Variants in RBFOX3 observed in about 807,000 individuals in gnomAD.
The protein encoded by RBFOX3 is RNA binding protein fox-1 homolog 3.
Under a neutral mutation model 48.7 loss-of-function variants are expected in RBFOX3, and 17 were observed. The observed-to-expected ratio is 0.35, with a 90% confidence interval of 0.24 to 0.52. RBFOX3 has a LOEUF of 0.52. Ranked by LOEUF, RBFOX3 falls within the 20% of genes least tolerant of loss-of-function variation. The probability of loss-of-function intolerance (pLI) is 0.94; values close to 1 mark genes in which losing one functional copy is unlikely to be tolerated. For synonymous variants in RBFOX3, 212 were observed against 209.5 expected, an observed-to-expected ratio of 1.01 and a Z score of -0.10; for missense variants, 382 against 497.5, an observed-to-expected ratio of 0.77 and a Z score of 2.21.
chr17:79,439,957 G>A (rs987733016), intron 2 of RBFOX3, among the ~76,000 whole-genome samples: 13 of 152,214 alleles, frequency 8.5e-5, no homozygotes, highest in Admixed American at 2.6e-4. Flanking sequence ...TAGGAGAGGC[G>A]TCAGAGAAGG....
At chr17:79,409,243 C>T (rs2063946325) in intron 2 of RBFOX3, among the ~76,000 whole-genome samples, 1 of 152,252 alleles carries the variant, frequency 6.6e-6, no homozygotes, top group Non-Finnish European at 1.5e-5. Context: ...TGTGTCCATT[C>T]TCCAGCTGAC....
rs1600218877 is a variant in RBFOX3, at chr17:79,249,287, G to A, written c.-73-13482C>T. Among the ~76,000 whole-genome samples the A allele has an allele frequency of 6.6e-6, 1 of 152,156 alleles. No individual in the cohort carries two copies. Among genetic ancestry groups the A allele is most frequent in the South Asian group, 2.1e-4 (1 of 4,824 alleles). Reference sequence around the variant, plus strand: ...CGGATTCTGGCTAGTGAGATGCTGAGCTGTGAACAAAGTCAGAGTCCACTC... The same window carrying A: ...CGGATTCTGGCTAGTGAGATGCTGAACTGTGAACAAAGTCAGAGTCCACTC... On this transcript the variant is annotated intron_variant, in intron 3 of 14. Coordinates refer to ENST00000693108, the MANE Select transcript of RBFOX3 (RefSeq NM_001350451.2). This position sits in a 1 kb window ranked among gnomAD's most constrained non-coding sequence, Gnocchi z 4.1.
chr17:79,579,944 G>C (rs1016346147), intron 1 of RBFOX3, among the ~76,000 whole-genome samples: 2 of 146,928 alleles, frequency 1.4e-5, no homozygotes, highest in Non-Finnish European at 1.5e-5. Context: ...TGTGGTGGGG[G>C]AGTCACAGGG....
chr17:79,261,350 A>C (rs2065742646), intron 3 of RBFOX3, among the ~76,000 whole-genome samples: 1 of 152,236 alleles, frequency 6.6e-6, no homozygotes, highest in South Asian at 2.1e-4. Flanking sequence ...CCGAAGCCAC[A>C]TGCACAGGGT....
At chr17:79,644,560 G>A in the RBFOX3 span, among the ~76,000 whole-genome samples, 25 of 152,152 alleles carry the variant, frequency 1.6e-4, no homozygotes, top group Middle Eastern at 6.8e-3. Flanking sequence ...CATAATATAC[G>A]TAATCAATAC....
chr17:79,182,002 A>C (rs1000909768), intron 4 of RBFOX3, among the ~76,000 whole-genome samples: 3 of 113,226 alleles, frequency 2.6e-5, no homozygotes, highest in Non-Finnish European at 5.9e-5. Context: ...CACACACACA[A>C]ACACACAATC....
At chr17:79,365,506 G>C (rs2057608265) in intron 2 of RBFOX3, among the ~76,000 whole-genome samples, 1 of 152,204 alleles carries the variant, frequency 6.6e-6, no homozygotes, top group African/African-American at 2.4e-5. Flanking sequence ...ATGTGCTCTA[G>C]CGCGGCCCTG....
chr17:79,577,611 A>C (rs1283543849), intron 1 of RBFOX3, among the ~76,000 whole-genome samples: 1 of 152,242 alleles, frequency 6.6e-6, no homozygotes, highest in Non-Finnish European at 1.5e-5. Context: ...CTGCAAGTAC[A>C]GTCAAAGGTG....
intron 2 of RBFOX3, among the ~76,000 whole-genome samples, chr17:79,327,293 C>T (rs576599290): frequency 6.6e-6 from 1 of 152,330 alleles, no homozygotes; most frequent in East Asian, 1.9e-4. Flanking sequence ...TTCACACCTC[C>T]CTGGGAAGGG....
At chr17:79,409,994 C>A (rs186334760) in intron 2 of RBFOX3, among the ~76,000 whole-genome samples, 2 of 152,208 alleles carry the variant, frequency 1.3e-5, no homozygotes, top group African/African-American at 2.4e-5. Context: ...GCAGACAATG[C>A]GAATGGAAGG....
At chr17:79,337,034 C>A (rs142276051) in intron 2 of RBFOX3, among the ~76,000 whole-genome samples, 2 of 152,118 alleles carry the variant, frequency 1.3e-5, no homozygotes, top group African/African-American at 4.8e-5. Context: ...GCAGAAGAAT[C>A]GCTTGAACCT....
intron 2 of RBFOX3, among the ~76,000 whole-genome samples, chr17:79,372,836 G>A (rs2058739474): frequency 6.6e-6 from 1 of 152,224 alleles, no homozygotes; most frequent in African/African-American, 2.4e-5. Flanking sequence ...AGGTGTGCTG[G>A]GGGAAGCTGA....
chr17:79,101,731 T>G (rs1481907686), intron 8 of RBFOX3, 87 bp from the exon 9 acceptor site: 2 of 1,213,282 alleles, frequency 1.6e-6, no homozygotes, highest in African/African-American at 3.0e-5. Flanking sequence ...CCTGCTCCGT[T>G]AGCCCCCGGC....
At chr17:79,542,345 C>T (rs13313569) in intron 1 of RBFOX3, among the ~76,000 whole-genome samples, 1,764 of 152,240 alleles carry the variant, frequency 0.012, 30 homozygotes, top group African/African-American at 0.041. Flanking sequence ...GAGAAGGTAA[C>T]GAAACTATGC....
In RBFOX3 at chr17:79,364,661, G is replaced by C. The variant is rs1055305103; in HGVS notation, c.-174-56837C>G. 4.6e-5 allele frequency among the ~76,000 whole-genome samples: 7 copies of C among 152,206 alleles called. No individual in the cohort carries two copies. The highest frequency in any genetic ancestry group is 6.5e-5 in the Admixed American group (1 of 15,284). The stretch of plus-strand genomic sequence containing the variant: ...CGGGCGTGAGCAGGTCGGATAGCCT[G>C]CTGTTTGCTTTCTGGTGGGGAAGCA... On this transcript the variant is annotated intron_variant, in intron 2 of 14. Coordinates refer to ENST00000693108, the MANE Select transcript of RBFOX3 (RefSeq NM_001350451.2). The surrounding 1 kb of genome is among the most constrained non-coding windows in gnomAD (Gnocchi z 5.1).
chr17:79,475,785 A>G (rs34094190), intron 2 of RBFOX3, among the ~76,000 whole-genome samples: 106,573 of 152,048 alleles, frequency 0.7, 37,552 homozygotes, highest in East Asian at 0.83. Flanking sequence ...CTGGACTGAC[A>G]GTGCATCTAT....
At chr17:79,337,679 G>A (rs1202791814) in intron 2 of RBFOX3, among the ~76,000 whole-genome samples, 1 of 152,138 alleles carries the variant, frequency 6.6e-6, no homozygotes, top group Admixed American at 6.5e-5. Flanking sequence ...GGGAGGCTGA[G>A]GCAGAAAGAC....
rs536286412 is a variant in RBFOX3 at position 79,236,462 on chromosome 17, G to T, written c.-73-657C>A. Among the ~76,000 whole-genome samples the T allele has an allele frequency of 2.6e-5, 4 of 152,150 alleles. No individual in the cohort carries two copies. The South Asian group carries it at 8.3e-4, about 32-fold the overall frequency. On this transcript the variant is annotated intron_variant, in intron 3 of 14. Coordinates refer to ENST00000693108, the MANE Select transcript of RBFOX3 (RefSeq NM_001350451.2). ...TGCCACCCCGCCCAGCTAATTTTTT[G>T]TATTTTTAGTAGAGACGGGGGTCTC...
rs1012486574 is a variant in RBFOX3 at position 79,249,944 on chromosome 17, C to T, written c.-73-14139G>A. On this transcript the variant is annotated intron_variant, in intron 3 of 14. Coordinates refer to ENST00000693108, the MANE Select transcript of RBFOX3 (RefSeq NM_001350451.2). The surrounding 1 kb of genome is among the most constrained non-coding windows in gnomAD (Gnocchi z 4.1). The stretch of plus-strand genomic sequence containing the variant: ...GCCTCACCATCCTAGCTGCACCTGC[C>T]GGCATCCCTGGCATCGCTTTGGCTC... Among the ~76,000 whole-genome samples, 2 of 152,186 alleles carry T rather than the reference C, an allele frequency of 1.3e-5. No homozygotes were observed. The highest frequency in any genetic ancestry group is 1.5e-5 in the Non-Finnish European group (1 of 68,046).
Sources: allele counts gnomAD v4.1 joint callset (sites outside exome capture counted in the v4.1 genomes callset), GRCh38; gene constraint gnomAD v4.1.1; non-coding constraint Gnocchi (gnomAD v3.1); transcripts MANE v1.5; gene names NCBI Gene and HGNC (gene_info 2026-07-23, HGNC 2026-07-21).